The following WDR72 variants were observed in gnomAD, a reference collection of about 807,000 sequenced individuals.
WDR72 encodes WD repeat domain 72.
WDR72 carries 120 observed loss-of-function variants against 124.2 expected under a neutral mutation model. The ratio of observed to expected loss-of-function variants is 0.97; its 90% CI spans 0.83 to 1.12. The LOEUF (loss-of-function observed/expected upper bound fraction) is 1.12. Among genes scored for constraint, WDR72 ranks in the 50% most tolerant of loss-of-function variants. The pLI, the probability that WDR72 is intolerant of heterozygous loss-of-function variation, is 0.00. For synonymous variants in WDR72, 452 were observed against 441.7 expected (o/e 1.02, Z -0.29); for missense variants, 1,387 against 1,278.8 (o/e 1.08, Z -1.29).
rs1461005404 is a variant in WDR72, at chr15:53,517,534, C to T, written c.*165G>A. 3 of 702,664 alleles carry T rather than the reference C, an allele frequency of 4.3e-6. No homozygotes were observed. The highest frequency in any genetic ancestry group is 7.7e-6 in the Non-Finnish European group (3 of 389,546). The allele number at this position is 702,664 out of a possible 1,614,324, so 43.5% of individuals were successfully genotyped here. On this transcript the variant is annotated 3_prime_UTR_variant, in exon 20 of 20. Coordinates refer to ENST00000360509, the MANE Select transcript of WDR72 (RefSeq NM_182758.4). Reference sequence around the variant, plus strand: ...TCAGTATGTATTGCATTGTAATCAGCATGTATTAAAATCACTTTAATACAT... The same window carrying T: ...TCAGTATGTATTGCATTGTAATCAGTATGTATTAAAATCACTTTAATACAT...
chr15:53,715,358 A>G lies in WDR72; in HGVS notation c.349T>C (p.Cys117Arg), dbSNP rs746111659. The change falls in exon 5 of 20, where the codon TGC becomes CGC. Residue 117 changes from cysteine to arginine, a missense_variant. Physicochemically the swap from Cys to Arg is radical, Grantham distance 180. Coordinates refer to ENST00000360509, the MANE Select transcript of WDR72 (RefSeq NM_182758.4). ...YRHTAICYYHCSFRMTGEGWL... is the reference protein window; with the variant it reads ...YRHTAICYYHRSFRMTGEGWL... The stretch of plus-strand genomic sequence containing the variant: ...CCTTCTCCTGTCATCCGGAATGAGC[A>G]GTGGTAATACTACGTACATGGAAAG... 1.2e-6 allele frequency: 2 copies of G among 1,614,038 alleles called. No individual in the cohort carries two copies. Among genetic ancestry groups the G allele is most frequent in the Non-Finnish European group, 1.7e-6 (2 of 1,180,008 alleles).
intron 18 of WDR72, among the ~76,000 whole-genome samples, chr15:53,571,150 G>C (rs1314965349): frequency 6.6e-6 from 1 of 151,958 alleles, no homozygotes; most frequent in African/African-American, 2.4e-5. Context: ...AATGGGTGGT[G>C]GGGGAAAGAG....
chr15:53,624,604 G>A (rs2014133458), intron 14 of WDR72, among the ~76,000 whole-genome samples: 1 of 152,100 alleles, frequency 6.6e-6, no homozygotes, highest in Non-Finnish European at 1.5e-5. Context: ...TCCTAAATAT[G>A]GTCACCTTAT....
Position 53,709,888 on chromosome 15 carries a change from T to G in WDR72, c.954+969A>C, listed in dbSNP as rs149387029. Among the ~76,000 whole-genome samples the G allele has an allele frequency of 2.4e-3, 369 of 152,302 alleles. 1 individual carries two copies. Among genetic ancestry groups the G allele is most frequent in the Non-Finnish European group, 4.3e-3 (294 of 68,006 alleles). On this transcript the variant is annotated intron_variant, in intron 9 of 19. Coordinates refer to ENST00000360509, the MANE Select transcript of WDR72 (RefSeq NM_182758.4). ...TGCTGCCTAATTAAGCAAACCATCA[T>G]TCTGTTAAAAGTAGCATGCTTCCTT...
At chr15:53,759,728 CCGCCCCGCCCCGGTCCTGCCCCCGCAG>C (rs2019021504), upstream of WDR72, 1 of 151,456 alleles carries the variant, frequency 6.6e-6, no homozygotes, top group African/African-American at 2.4e-5. Flanking sequence ...TCGCCCCGCC[CCGCCCCGCCCCGGTCCTGCCCCCGCAG>C]CGCGCGGACC....
At chr15:53,545,178 G>A (rs1391334167) in intron 18 of WDR72, among the ~76,000 whole-genome samples, 1 of 151,180 alleles carries the variant, frequency 6.6e-6, no homozygotes, top group Non-Finnish European at 1.5e-5. Flanking sequence ...AGTTCATGTG[G>A]AACCAAAAAA....
At chr15:53,697,521 C>A (rs1330059867) in intron 13 of WDR72, among the ~76,000 whole-genome samples, 1 of 152,172 alleles carries the variant, frequency 6.6e-6, no homozygotes, top group African/African-American at 2.4e-5. Flanking sequence ...AATGTTTTCT[C>A]CTCTTTTTGC....
chr15:53,653,477 T>C (rs2015311244), intron 14 of WDR72, among the ~76,000 whole-genome samples: 1 of 152,190 alleles, frequency 6.6e-6, no homozygotes, highest in Non-Finnish European at 1.5e-5. Context: ...GTGAAAATAT[T>C]CTGGCAAAAG....
intron 18 of WDR72, among the ~76,000 whole-genome samples, chr15:53,569,513 T>C (rs904664657): frequency 4.6e-5 from 7 of 152,050 alleles, no homozygotes; most frequent in Non-Finnish European, 1.0e-4. Context: ...GAAACCATCA[T>C]AGAATGGCTA....
In WDR72 at chr15:53,727,683, G is replaced by A. The variant is rs187396829; in HGVS notation, c.154-4775C>T. Among the ~76,000 whole-genome samples, 296 of 152,140 alleles carry A rather than the reference G, an allele frequency of 1.9e-3. 1 individual carries two copies. Among genetic ancestry groups the A allele is most frequent in the African/African-American group, 6.9e-3 (285 of 41,502 alleles). The stretch of plus-strand genomic sequence containing the variant: ...AAGCCAAATTAAGCAATCAATGAGG[G>A]AACATCAAGGATATTCCCTCCTCCA... On this transcript the variant is annotated intron_variant, in intron 2 of 19. Transcript: ENST00000360509.
rs565532165 is a variant in WDR72, at chr15:53,665,959, T to C, written c.1766-191A>G. Among the ~76,000 whole-genome samples the C allele has an allele frequency of 9.2e-5, 14 of 152,358 alleles. No individual in the cohort carries two copies. The East Asian group carries it at 2.3e-3, about 25-fold the overall frequency. ...CACTTGCTCATAAAGTCTGAACTTA[T>C]GGATTTGAAAAGTTCATCTTCCTCT... On this transcript the variant is annotated intron_variant, in intron 13 of 19. Coordinates refer to ENST00000360509, the MANE Select transcript of WDR72 (RefSeq NM_182758.4).
At chr15:53,624,638 C>T (rs1312461527) in intron 14 of WDR72, among the ~76,000 whole-genome samples, 2 of 152,216 alleles carry the variant, frequency 1.3e-5, no homozygotes, top group African/African-American at 4.8e-5. Flanking sequence ...GAATATTTTA[C>T]ATTATTTTAA....
At chr15:53,742,542 T>C (rs1567059942) in intron 1 of WDR72, among the ~76,000 whole-genome samples, 1 of 152,178 alleles carries the variant, frequency 6.6e-6, no homozygotes, top group Non-Finnish European at 1.5e-5. Flanking sequence ...TGTAGGATAA[T>C]TTTTAAATCT....
rs963497850 is a variant in WDR72, at chr15:53,516,633, T to C, written c.*1066A>G. The C allele has an allele frequency of 3.9e-5, 6 of 152,058 alleles. No individual in the cohort carries two copies. The highest frequency in any genetic ancestry group is 7.4e-5 in the Non-Finnish European group (5 of 67,958). The allele number at this position is 152,058 out of a possible 1,614,324, so 9.4% of individuals were successfully genotyped here. A position where few individuals can be genotyped will look rare whatever the true frequency, so the allele number is the denominator to read the frequency against. ...ATGCTCAGAGATATGTTTCTTCAAT[T>C]GAAGTGACTTGGACTTCCCTATTAG... On this transcript the variant is annotated 3_prime_UTR_variant, in exon 20 of 20. Transcript: ENST00000360509.
At chr15:53,696,604 T>C (rs2017011167) in intron 13 of WDR72, among the ~76,000 whole-genome samples, 3 of 152,200 alleles carry the variant, frequency 2.0e-5, no homozygotes, top group Admixed American at 6.5e-5. Context: ...ATTTTCCCCC[T>C]AGCTTTATGA....
intron 6 of WDR72, among the ~76,000 whole-genome samples, chr15:53,713,646 C>A (rs965254109): frequency 1.3e-5 from 2 of 151,458 alleles, no homozygotes; most frequent in African/African-American, 4.9e-5. Flanking sequence ...TTAGTAGAGA[C>A]GAGGTTTCAC....
At position 53,733,168 on chromosome 15, in the gene WDR72, T is replaced by C. The variant is rs868769209; in HGVS notation, c.-12-7A>G. ...TCCTCATTTTGGGCGAATCCTGACATACAAAGAAGGGAAGAAGCATACATG... is the reference window on the plus strand; with the variant it reads ...TCCTCATTTTGGGCGAATCCTGACACACAAAGAAGGGAAGAAGCATACATG... On this transcript the variant is annotated splice_region_variant and splice_polypyrimidine_tract_variant and intron_variant, in intron 1 of 19. Transcript: ENST00000360509. 3.1e-6 allele frequency: 5 copies of C among 1,613,530 alleles called. No homozygotes were observed. The highest frequency in any genetic ancestry group is 1.6e-4 in the Middle Eastern group (1 of 6,080).
intron 18 of WDR72, among the ~76,000 whole-genome samples, chr15:53,589,481 T>A (rs866261565): frequency 1.3e-5 from 2 of 151,870 alleles, no homozygotes; most frequent in Non-Finnish European, 2.9e-5. Context: ...AAGTAAGAGA[T>A]CATTTTAGGT....
chr15:53,659,355 C>A (rs563315971), intron 14 of WDR72, among the ~76,000 whole-genome samples: 15 of 152,258 alleles, frequency 9.9e-5, no homozygotes, highest in East Asian at 9.7e-4. Context: ...CCCACCGGCA[C>A]GTGCTGCACA....
Sources: gnomAD v4.1 joint callset for allele counts (sites outside exome capture counted in the v4.1 genomes callset) on GRCh38, gnomAD v4.1.1 for gene constraint, MANE v1.5 for transcripts, NCBI Gene and HGNC (gene_info 2026-07-23, HGNC 2026-07-21) for gene names.